Variants in PPFIA2 observed in about 807,000 individuals in gnomAD.
The protein encoded by PPFIA2 is PPFI scaffold protein A2.
A neutral mutation model predicts 175.5 loss-of-function variants in PPFIA2; 46 were observed. The observed-to-expected ratio is 0.26, with a 90% CI of 0.21 to 0.34. PPFIA2 has a LOEUF of 0.34. PPFIA2 is among the 10% of genes least tolerant of loss of function. The pLI is 1.00. For missense variants in PPFIA2, 1,179 were observed against 1,506.1 expected, an observed-to-expected ratio of 0.78 and a Z score of 3.60; for synonymous variants, 568 against 511.4, an observed-to-expected ratio of 1.11 and a Z score of -1.49.
chr12:81,370,979 C>A (rs1346201368), intron 11 of PPFIA2, among the ~76,000 whole-genome samples: 1 of 151,740 alleles, frequency 6.6e-6, no homozygotes, highest in African/African-American at 2.4e-5. Flanking sequence ...GAAATAGTAA[C>A]CTATTCATTT....
intron 27 of PPFIA2, among the ~76,000 whole-genome samples, chr12:81,280,471 A>G (rs993065332): frequency 2.6e-5 from 4 of 152,126 alleles, no homozygotes; most frequent in African/African-American, 9.7e-5. Context: ...CACTCCAGCC[A>G]CTGATTAAAT....
chr12:81,386,408 G>A (rs1227551743), intron 8 of PPFIA2, among the ~76,000 whole-genome samples: 3 of 151,924 alleles, frequency 2.0e-5, no homozygotes, highest in Non-Finnish European at 4.4e-5. Flanking sequence ...AGGATCACTT[G>A]AGGCCAGGAG....
At chr12:81,378,112 A>T (rs1208494647) in intron 9 of PPFIA2, 2 of 152,222 alleles carry the variant, frequency 1.3e-5, no homozygotes, top group Non-Finnish European at 2.9e-5. Context: ...AACCATTAGA[A>T]GCTAGAAGGG....
rs139367942 is a variant in PPFIA2, at chr12:81,587,856, C to A, written c.303+88935G>T. Among the ~76,000 whole-genome samples the A allele has an allele frequency of 1.5e-3, 231 of 152,076 alleles. 2 individuals carry two copies. The highest frequency in any genetic ancestry group is 5.4e-3 in the African/African-American group (223 of 41,530). ...TTTTCTCAACATTGTTGAAGTCTGACATAATGGTGCCTCACAACAAGGTGT... is the reference window on the plus strand; with the variant it reads ...TTTTCTCAACATTGTTGAAGTCTGAAATAATGGTGCCTCACAACAAGGTGT... On this transcript the variant is annotated intron_variant, in intron 4 of 32. Coordinates refer to ENST00000549396, the MANE Select transcript of PPFIA2 (RefSeq NM_003625.5).
chr12:81,311,105 T>G (rs941343682), intron 22 of PPFIA2, among the ~76,000 whole-genome samples: 4 of 152,224 alleles, frequency 2.6e-5, no homozygotes, highest in African/African-American at 9.6e-5. Context: ...TCTACACCAA[T>G]GTAAATATTA....
intron 4 of PPFIA2, among the ~76,000 whole-genome samples, chr12:81,625,752 C>T (rs1185623513): frequency 6.7e-6 from 1 of 150,112 alleles, no homozygotes; most frequent in Non-Finnish European, 1.5e-5. Context: ...CCTCTGCTAC[C>T]CTCCAACATT....
intron 4 of PPFIA2, among the ~76,000 whole-genome samples, chr12:81,641,294 T>C (rs2064936634): frequency 6.6e-6 from 1 of 152,184 alleles, no homozygotes. Flanking sequence ...TTGTCACTTA[T>C]TTCATAGATT....
At chr12:81,659,594 G>T (rs1262783920) in intron 4 of PPFIA2, among the ~76,000 whole-genome samples, 1 of 152,176 alleles carries the variant, frequency 6.6e-6, no homozygotes, top group Admixed American at 6.5e-5. Flanking sequence ...AGCTCAAGGA[G>T]GCCCTGCCTG....
intron 4 of PPFIA2, among the ~76,000 whole-genome samples, chr12:81,475,936 C>A (rs11114877): frequency 0.025 from 3,774 of 152,268 alleles, 90 homozygotes; most frequent in East Asian, 0.12. Context: ...TGGTCTCAAT[C>A]ACCTGACCTT....
At chr12:81,283,374 AAT>A (rs2042528505) in intron 25 of PPFIA2, among the ~76,000 whole-genome samples, 2 of 152,006 alleles carry the variant, frequency 1.3e-5, no homozygotes, top group Admixed American at 1.3e-4. Flanking sequence ...TCTGATGACA[AAT>A]ATATATATGT....
At chr12:81,506,177 A>AT (rs2061150750) in intron 4 of PPFIA2, 1 of 152,176 alleles carries the variant, frequency 6.6e-6, no homozygotes, top group Non-Finnish European at 1.5e-5. Flanking sequence ...CTTATACAAT[A>AT]TTTTTTGTAC....
intron 4 of PPFIA2, among the ~76,000 whole-genome samples, chr12:81,494,936 G>A (rs1190160528): frequency 7.0e-5 from 8 of 113,664 alleles, no homozygotes; most frequent in Middle Eastern, 6.0e-3. Flanking sequence ...ACACCCTGGG[G>A]ACTGTTGTGG....
intron 4 of PPFIA2, among the ~76,000 whole-genome samples, chr12:81,496,581 A>G (rs2060047805): frequency 6.6e-6 from 1 of 152,158 alleles, no homozygotes; most frequent in South Asian, 2.1e-4. Flanking sequence ...TAGATGAGGT[A>G]AATGTGGCAA....
intron 7 of PPFIA2, among the ~76,000 whole-genome samples, chr12:81,422,927 A>T (rs1029790757): frequency 1.3e-5 from 2 of 152,262 alleles, no homozygotes; most frequent in Middle Eastern, 3.4e-3. Context: ...ATAAAATCAG[A>T]CATGAAAGAG....
intron 7 of PPFIA2, among the ~76,000 whole-genome samples, chr12:81,437,264 G>A (rs565221536): frequency 6.6e-6 from 1 of 152,100 alleles, no homozygotes; most frequent in Non-Finnish European, 1.5e-5. Context: ...GAGTCTGGCT[G>A]TGTTGCCTAG....
intron 7 of PPFIA2, among the ~76,000 whole-genome samples, chr12:81,412,041 T>G (rs2044059408): frequency 6.6e-6 from 1 of 151,904 alleles, no homozygotes; most frequent in Non-Finnish European, 1.5e-5. Flanking sequence ...TTCAGGGAGT[T>G]CTTTCAATGA....
chr12:81,626,559 T>G (rs987871244), intron 4 of PPFIA2, among the ~76,000 whole-genome samples: 2 of 152,056 alleles, frequency 1.3e-5, no homozygotes, highest in Non-Finnish European at 2.9e-5. Flanking sequence ...CTGCAGTATG[T>G]CTGGTAGGAT....
intron 4 of PPFIA2, among the ~76,000 whole-genome samples, chr12:81,608,981 A>G (rs1448496251): frequency 1.3e-5 from 2 of 151,980 alleles, no homozygotes; most frequent in African/African-American, 2.4e-5. Context: ...AGAGATTTGG[A>G]TAAGTTTTAT....
In PPFIA2 at chr12:81,386,633, G is replaced by GATA. The variant is rs879431096; in HGVS notation, c.763-2392_763-2390dup. 7.9e-5 allele frequency among the ~76,000 whole-genome samples: 12 copies of GATA among 151,280 alleles called. No individual in the cohort carries two copies. In the South Asian group the frequency reaches 1.0e-3, roughly 13 times the overall value. On this transcript the variant is annotated intron_variant, in intron 8 of 32. Coordinates refer to ENST00000549396, the MANE Select transcript of PPFIA2 (RefSeq NM_003625.5). ...TGAGGCTCTGACCAATAGTAATAAT[G>GATA]ATAATAATAATAATAATGATAAATA...
Sources: gnomAD v4.1 joint callset for allele counts (sites outside exome capture counted in the v4.1 genomes callset) on GRCh38, gnomAD v4.1.1 for gene constraint, MANE v1.5 for transcripts, NCBI Gene and HGNC (gene_info 2026-07-23, HGNC 2026-07-21) for gene names.